Variants in TCF7 observed in about 807,000 individuals in gnomAD.
The protein encoded by TCF7 is transcription factor 7, also known as T-cell-factor-7.
TCF7 carries 19 observed loss-of-function variants against 46.8 expected under a neutral mutation model. The observed-to-expected ratio is 0.41, with a 90% CI of 0.28 to 0.60. The LOEUF is 0.60. Ranked by LOEUF, TCF7 falls within the 20% of genes least tolerant of loss-of-function variation. The probability of loss-of-function intolerance (pLI) is 0.35; values close to 1 mark genes in which losing one functional copy is unlikely to be tolerated. For synonymous variants in TCF7, 245 were observed against 213.4 expected (o/e 1.15, Z -1.29); for missense variants, 547 against 504.6 (o/e 1.08, Z -0.81).
chr5:134,115,591 T>A, intron 2 of TCF7: 1 of 1,434,818 alleles, frequency 7.0e-7, no homozygotes, highest in South Asian at 1.5e-5. Flanking sequence ...TTTATAGGAG[T>A]AAACAGACCC....
chr5:134,145,293 A>C (rs555601920), intron 9 of TCF7: 10 of 537,610 alleles, frequency 1.9e-5, no homozygotes, highest in Middle Eastern at 6.2e-4. Context: ...CTGAGCCCTT[A>C]ATCTGAAAAA....
At chr5:134,110,400 G>C (rs1310612626), upstream of TCF7, among the ~76,000 whole-genome samples, 2 of 152,206 alleles carry the variant, frequency 1.3e-5, no homozygotes, top group East Asian at 1.9e-4. Flanking sequence ...GCAGCTGCCT[G>C]GTACCTGATG....
Position 134,115,067 on chromosome 5 carries a change from C to A in TCF7, c.161C>A (p.Ser54Ter). 2.6e-6 allele frequency: 3 copies of A among 1,170,304 alleles called. No homozygotes were observed. The highest frequency in any genetic ancestry group is 3.2e-6 in the Non-Finnish European group (3 of 926,974). The allele number at this position is 1,170,304 out of a possible 1,614,324, so 72.5% of individuals were successfully genotyped here. ...CGCGACCTGGCCGAGCTCAAGTCGT[C>A]GCTCGTGAACGAGTCCGAGGGCGCG... Reference protein sequence around the residue: ...PERDLAELKSSLVNESEGAAG... With the variant: ...PERDLAELKS Residue 54 changes from serine (S) to a stop codon, truncating the protein, a stop_gained, in exon 1 of 10, where the codon TCG (serine) becomes TAG (stop). Coordinates refer to ENST00000342854, the MANE Select transcript of TCF7 (RefSeq NM_003202.5). LOFTEE classifies it high-confidence loss of function.
chr5:134,131,773 A>G (rs554004154), intron 3 of TCF7, among the ~76,000 whole-genome samples: 12 of 152,326 alleles, frequency 7.9e-5, no homozygotes, highest in African/African-American at 2.6e-4. Context: ...CCTTTCCACA[A>G]AGTGACCCTT....
upstream of TCF7, among the ~76,000 whole-genome samples, chr5:134,110,295 C>G (rs920574003): frequency 6.6e-6 from 1 of 152,072 alleles, no homozygotes; most frequent in Non-Finnish European, 1.5e-5. Flanking sequence ...GTATGAAGTC[C>G]GAGGGATGGA....
At chr5:134,144,436 G>C (rs753653106) in intron 9 of TCF7, 37 of 279,386 alleles carry the variant, frequency 1.3e-4, no homozygotes, top group Non-Finnish European at 2.5e-4. Context: ...GGAGGTGGGT[G>C]GCCCTAGGGC....
rs1561707047 is a variant in TCF7 at position 134,146,279 on chromosome 5, GT to G, written c.1133del (p.Phe378SerfsTer4). On this transcript the variant is annotated frameshift_variant, in exon 10 of 10. Transcript: ENST00000342854. LOFTEE classifies it high-confidence loss of function. ...CGGAGAAGGCCGCTGCCCCAGCCCC[GT>G]TCCTTCCGATGACAGTGCTCTAGGC... ...YPEKAAAPAP[F>X]LPMTVL 1 of 1,614,108 alleles carries G rather than the reference GT, an allele frequency of 6.2e-7. No homozygotes were observed. Among genetic ancestry groups the G allele is most frequent in the Admixed American group, 1.7e-5 (1 of 60,018 alleles).
intron 9 of TCF7, chr5:134,145,722 A>ATTCCATTCATTCCATCAGAGACAAAC (rs777451162): frequency 6.2e-7 from 1 of 1,613,486 alleles, no homozygotes; most frequent in African/African-American, 1.3e-5. Context: ...GGGAAGTTCT[A>ATTCCATTCATTCCATCAGAGACAAAC]TTCCATTCAT....
intron 3 of TCF7, among the ~76,000 whole-genome samples, chr5:134,131,413 G>A (rs1291582850): frequency 6.6e-6 from 1 of 152,192 alleles, no homozygotes; most frequent in African/African-American, 2.4e-5. Context: ...CATAGCAATA[G>A]CCCACCTTTC....
At chr5:134,116,986 G>T (rs1755924791) in intron 3 of TCF7, among the ~76,000 whole-genome samples, 1 of 152,254 alleles carries the variant, frequency 6.6e-6, no homozygotes, top group African/African-American at 2.4e-5. Context: ...TCACCAGAGG[G>T]AGGAGAGTTA....
chr5:134,126,721 AC>A (rs1757392307), intron 3 of TCF7, among the ~76,000 whole-genome samples: 1 of 151,918 alleles, frequency 6.6e-6, no homozygotes, highest in African/African-American at 2.4e-5. Context: ...ACATGGTGAA[AC>A]CCCGTCTCTA....
chr5:134,143,829 C>T, intron 9 of TCF7, 189 bp downstream of exon 9: 1 of 619,846 alleles, frequency 1.6e-6, no homozygotes, highest in South Asian at 2.0e-5. Flanking sequence ...TATACTAAGT[C>T]CCAGGGAAAC....
chr5:134,119,464 C>G, intron 3 of TCF7, among the ~76,000 whole-genome samples: 1 of 149,608 alleles, frequency 6.7e-6, no homozygotes, highest in Non-Finnish European at 1.5e-5. Context: ...ATTACATAAC[C>G]TTTAAAACAG....
chr5:134,115,623 C>T lies in TCF7; in HGVS notation c.316+236C>T, dbSNP rs1755701001. 8.4e-6 allele frequency: 12 copies of T among 1,432,822 alleles called. No individual in the cohort carries two copies. The South Asian group carries it at 1.8e-4, about 22-fold the overall frequency. 88.8% of individuals were successfully genotyped at this position (1,432,822 alleles called of 1,614,324 possible). A position where few individuals can be genotyped will look rare whatever the true frequency, so the allele number is the denominator to read the frequency against. ...ACCCCCGCCATCCCCGCCTCCCCTC[C>T]TGCCCAGGTGACTGACTAATCCGCC... On this transcript the variant is annotated intron_variant, in intron 2 of 9. Coordinates refer to ENST00000342854, the MANE Select transcript of TCF7 (RefSeq NM_003202.5).
intron 3 of TCF7, among the ~76,000 whole-genome samples, chr5:134,120,809 A>G (rs1262088249): frequency 6.6e-6 from 1 of 152,248 alleles, no homozygotes; most frequent in Non-Finnish European, 1.5e-5. Context: ...TAACCCTAAG[A>G]AAGGCCGGCT....
intron 3 of TCF7, among the ~76,000 whole-genome samples, chr5:134,132,295 A>G (rs1248174969): frequency 2.6e-5 from 4 of 152,182 alleles, no homozygotes; most frequent in Admixed American, 2.0e-4. Flanking sequence ...ACACATGGGA[A>G]ATACTCCGCT....
At position 134,146,564 on chromosome 5, in the gene TCF7, A is replaced by C. The variant is rs1404730480; in HGVS notation, c.*261A>C. ...GCCGCCTCCAGGAGCCTACCCCCTG[A>C]AAGTGACAGAGACCCAGATCTCATG... On this transcript the variant is annotated 3_prime_UTR_variant, in exon 10 of 10. Transcript: ENST00000342854. 1.8e-5 allele frequency: 13 copies of C among 708,466 alleles called. No individual in the cohort carries two copies. Among genetic ancestry groups the C allele is most frequent in the African/African-American group, 1.2e-4 (7 of 56,246 alleles). The allele number at this position is 708,466 out of a possible 1,614,324, so 43.9% of individuals were successfully genotyped here.
intron 4 of TCF7, 50 bp downstream of exon 4, chr5:134,138,214 C>A (rs1394488271): frequency 6.5e-7 from 1 of 1,541,010 alleles, no homozygotes; most frequent in East Asian, 2.3e-5. Flanking sequence ...GCCTAAGGGC[C>A]AAGACCCCAG....
chr5:134,146,411 G>C lies in TCF7; in HGVS notation c.*108G>C, dbSNP rs1196815661. On this transcript the variant is annotated 3_prime_UTR_variant, in exon 10 of 10. Coordinates refer to ENST00000342854, the MANE Select transcript of TCF7 (RefSeq NM_003202.5). ...TGCGGAGCCGGCACCTACATCCCCA[G>C]GTCTCTCCACTGCTCTCAGCCTCCC... 1 of 1,372,382 alleles carries C rather than the reference G, an allele frequency of 7.3e-7. No individual in the cohort carries two copies. The highest frequency in any genetic ancestry group is 1.0e-6 in the Non-Finnish European group (1 of 960,462). The allele number at this position is 1,372,382 out of a possible 1,614,324, so 85.0% of individuals were successfully genotyped here. A position where few individuals can be genotyped will look rare whatever the true frequency, so the allele number is the denominator to read the frequency against.
Sources: allele counts gnomAD v4.1 joint callset (sites outside exome capture counted in the v4.1 genomes callset), GRCh38; gene constraint gnomAD v4.1.1; transcripts MANE v1.5; gene names NCBI Gene and HGNC (gene_info 2026-07-23, HGNC 2026-07-21).